Variants in PCDHA3 observed in about 807,000 individuals in gnomAD.
The protein encoded by PCDHA3 is protocadherin alpha 3, also known as protocadherin alpha-3.
In PCDHA3, 41 loss-of-function variants were observed where a neutral mutation model predicts 62.2. The ratio of observed to expected loss-of-function variants is 0.66; its 90% CI spans 0.51 to 0.86. PCDHA3 has a LOEUF of 0.86. PCDHA3 is among the 40% of genes least tolerant of loss of function. The probability of loss-of-function intolerance (pLI) is 0.00; values close to 1 mark genes in which losing one functional copy is unlikely to be tolerated. For missense variants in PCDHA3, 1,304 were observed against 1,241.2 expected (o/e 1.05, Z -0.76); for synonymous variants, 640 against 555.4 (o/e 1.15, Z -2.14).
intron 3 of PCDHA3, among the ~76,000 whole-genome samples, chr5:141,000,278 G>A (rs574420053): frequency 6.6e-6 from 1 of 151,194 alleles, no homozygotes; most frequent in South Asian, 2.1e-4. Flanking sequence ...GGGAGGCAGA[G>A]GTGGGAATAT....
intron 1 of PCDHA3, chr5:140,836,596 C>T (rs2150264981): frequency 6.2e-7 from 1 of 1,613,764 alleles, no homozygotes; most frequent in Non-Finnish European, 8.5e-7. Context: ...GTAAAGCCCA[C>T]TCTGGTGTGC....
intron 1 of PCDHA3, among the ~76,000 whole-genome samples, chr5:140,940,389 AT>A (rs2092602183): frequency 1.3e-5 from 2 of 151,932 alleles, no homozygotes; most frequent in Admixed American, 6.6e-5. Flanking sequence ...AATTTTGGTT[AT>A]TGTGTTTTTC....
intron 2 of PCDHA3, among the ~76,000 whole-genome samples, chr5:140,981,892 G>A (rs1245605619): frequency 2.0e-5 from 3 of 152,122 alleles, no homozygotes; most frequent in Non-Finnish European, 2.9e-5. Flanking sequence ...TCTTCTGAGC[G>A]GGGATCTGTG....
At chr5:140,870,944 C>G in intron 1 of PCDHA3, 1 of 1,613,658 alleles carries the variant, frequency 6.2e-7, no homozygotes, top group Middle Eastern at 1.7e-4. Context: ...CAGCCGGCGG[C>G]GGGCGGCTCG....
At chr5:140,903,687 T>C (rs1554191081) in intron 1 of PCDHA3, among the ~76,000 whole-genome samples, 1 of 152,228 alleles carries the variant, frequency 6.6e-6, no homozygotes, top group Non-Finnish European at 1.5e-5. Context: ...GTTTGGTAAA[T>C]AGTTTAAAAT....
chr5:140,911,444 C>T (rs13161603), intron 1 of PCDHA3, among the ~76,000 whole-genome samples: 2,752 of 152,248 alleles, frequency 0.018, 47 homozygotes, highest in South Asian at 0.1. Context: ...CCCGCAATTT[C>T]AGCTCTTTCT....
At chr5:140,968,283 A>G in intron 1 of PCDHA3, 1 of 1,613,726 alleles carries the variant, frequency 6.2e-7, no homozygotes, top group Non-Finnish European at 8.5e-7. Flanking sequence ...GAGGTGACCT[A>G]CTCCCTTCTG....
chr5:140,988,495 G>GT (rs2097300130), intron 3 of PCDHA3, among the ~76,000 whole-genome samples: 1 of 152,158 alleles, frequency 6.6e-6, no homozygotes, highest in Non-Finnish European at 1.5e-5. Context: ...CTACCTAGGA[G>GT]AAGCCATGAA....
At chr5:141,006,996 G>T (rs1206587874) in intron 3 of PCDHA3, among the ~76,000 whole-genome samples, 2 of 152,136 alleles carry the variant, frequency 1.3e-5, no homozygotes, top group African/African-American at 4.8e-5. Flanking sequence ...TAAAATATAA[G>T]TCTGCATCTC....
chr5:140,808,944 G>A (rs782358037), intron 1 of PCDHA3: 23 of 1,613,698 alleles, frequency 1.4e-5, no homozygotes, highest in Non-Finnish European at 8.5e-7. Context: ...TGGTCGGTGG[G>A]TGTGGGCCAC....
chr5:140,807,827 G>A (rs782460121), intron 1 of PCDHA3: 14 of 1,614,046 alleles, frequency 8.7e-6, no homozygotes, highest in Non-Finnish European at 1.1e-5. Flanking sequence ...AGTGCTCACA[G>A]CCACTGATGG....
At position 140,881,209 on chromosome 5, in the gene PCDHA3, G is replaced by C. The variant is rs74494049; in HGVS notation, c.2394+77618G>C. The C allele has an allele frequency of 3.6e-3, 703 of 194,982 alleles. 1 individual carries two copies. The highest frequency in any genetic ancestry group is 0.016 in the African/African-American group (679 of 42,430). 12.1% of individuals were successfully genotyped at this position (194,982 alleles called of 1,614,324 possible). On this transcript the variant is annotated intron_variant, in intron 1 of 3. Transcript: ENST00000522353. Reference sequence around the variant, plus strand: ...GATATGTTAACATCTTTGTCTAGCTGTTGTTTCTTGGAAAATTAAAGTCAA... The same window carrying C: ...GATATGTTAACATCTTTGTCTAGCTCTTGTTTCTTGGAAAATTAAAGTCAA...
At chr5:140,863,193 G>A (rs1271562908) in intron 1 of PCDHA3, 15 of 840,280 alleles carry the variant, frequency 1.8e-5, no homozygotes, top group Non-Finnish European at 2.3e-5. Context: ...CCGTGGTGGC[G>A]TCGCTGGCGG....
At chr5:140,972,228 C>G (rs1295473743) in intron 1 of PCDHA3, among the ~76,000 whole-genome samples, 1 of 151,964 alleles carries the variant, frequency 6.6e-6, no homozygotes, top group Admixed American at 6.5e-5. Flanking sequence ...CAGCCTCGAC[C>G]TTCTGGGCTC....
intron 1 of PCDHA3, chr5:140,825,422 A>C (rs897290918): frequency 6.8e-6 from 1 of 147,148 alleles, no homozygotes; most frequent in African/African-American, 2.5e-5. Flanking sequence ...TATAATATAT[A>C]TAATAAATAT....
At chr5:140,952,513 A>T (rs533436826) in intron 1 of PCDHA3, among the ~76,000 whole-genome samples, 7 of 152,028 alleles carry the variant, frequency 4.6e-5, no homozygotes, top group Non-Finnish European at 8.8e-5. Context: ...CCTCATCTCC[A>T]TCTGAGACCT....
In PCDHA3 at chr5:140,801,196, C is replaced by T. The variant is rs782169201; in HGVS notation, c.-2C>T. On this transcript the variant is annotated 5_prime_UTR_variant, in exon 1 of 4. Transcript: ENST00000522353. ...CAATCTAATATTTGGAAAATACTTG[C>T]AATGTTGTTCTCCTGGCGAGAAGAT... 2 of 1,589,684 alleles carry T rather than the reference C, an allele frequency of 1.3e-6. No individual in the cohort carries two copies. The highest frequency in any genetic ancestry group is 2.3e-5 in the South Asian group (2 of 87,988).
intron 2 of PCDHA3, among the ~76,000 whole-genome samples, chr5:140,980,712 T>G (rs4404731): frequency 0.013 from 1,940 of 152,272 alleles, 50 homozygotes; most frequent in African/African-American, 0.045. Context: ...GTGCTCCTAT[T>G]CGGGTTTCAA....
At chr5:140,952,257 C>T (rs1224282193) in intron 1 of PCDHA3, among the ~76,000 whole-genome samples, 1 of 151,342 alleles carries the variant, frequency 6.6e-6, no homozygotes, top group Non-Finnish European at 1.5e-5. Flanking sequence ...GGTGGATTCC[C>T]ATTCTGGGGT....
Sources: gnomAD v4.1 joint callset for allele counts (sites outside exome capture counted in the v4.1 genomes callset) on GRCh38, gnomAD v4.1.1 for gene constraint, MANE v1.5 for transcripts, NCBI Gene and HGNC (gene_info 2026-07-23, HGNC 2026-07-21) for gene names.